C11orf21: variants seen among roughly 807,000 people sequenced by gnomAD.
The protein encoded by C11orf21 is uncharacterized protein C11orf21.
A neutral mutation model predicts 15.2 loss-of-function variants in C11orf21; 19 were observed. The observed-to-expected ratio is 1.25, with a 90% confidence interval of 0.87 to 1.84. The LOEUF is 1.84. Among genes scored for constraint, C11orf21 ranks in the 40% most tolerant of loss-of-function variants. The probability of loss-of-function intolerance (pLI) is 0.00; values close to 1 mark genes in which losing one functional copy is unlikely to be tolerated. For missense variants in C11orf21, 171 were observed against 174.4 expected (o/e 0.98, Z 0.11); for synonymous variants, 62 against 66.8 (o/e 0.93, Z 0.35).
intron 1 of C11orf21, chr11:2,300,981 G>T: frequency 1.7e-6 from 1 of 585,550 alleles, no homozygotes; most frequent in Non-Finnish European, 3.1e-6. Flanking sequence ...GTCTCCACAA[G>T]CCCCCACAGA....
rs1232933368 is a variant in C11orf21 at position 2,301,876 on chromosome 11, G to A, written c.-68C>T. On this transcript the variant is annotated 5_prime_UTR_variant, in exon 1 of 4. Transcript: ENST00000381153. ...AACGAGGCCATGTCTTCCTGGGAAG[G>A]GCCTCAGATGTCAGCAAATGCCCTG... The A allele has an allele frequency of 1.0e-5, 16 of 1,548,652 alleles. No individual in the cohort carries two copies. Among genetic ancestry groups the A allele is most frequent in the Non-Finnish European group, 1.4e-5 (16 of 1,146,660 alleles).
At chr11:2,302,918 G>T, upstream of C11orf21, 1 of 1,613,708 alleles carries the variant, frequency 6.2e-7, no homozygotes, top group Non-Finnish European at 8.5e-7. Context: ...TCCGCCGAGC[G>T]TCCCTGGAGA....
chr11:2,297,381 C>G lies in C11orf21; in HGVS notation c.*569G>C, dbSNP rs990455152. The G allele has an allele frequency of 6.6e-6, 1 of 152,324 alleles. No individual in the cohort carries two copies. Among genetic ancestry groups the G allele is most frequent in the African/African-American group, 2.4e-5 (1 of 41,460 alleles). The allele number at this position is 152,324 out of a possible 1,614,324, so 9.4% of individuals were successfully genotyped here. On this transcript the variant is annotated 3_prime_UTR_variant, in exon 4 of 4. Transcript: ENST00000381153. ...AGTCCACAGAGGTGTCTCATCCAGG[C>G]GGGTGAACACTCGTGTGTTGGGAGG...
chr11:2,301,161 G>T (rs1272319423), intron 1 of C11orf21: 1 of 266,510 alleles, frequency 3.8e-6, no homozygotes, highest in Non-Finnish European at 7.3e-6. Flanking sequence ...GCGGGCGGCA[G>T]CTGGGCCCTC....
intron 3 of C11orf21, 102 bp downstream of exon 3, chr11:2,299,326 G>T (rs1564949773): frequency 7.9e-7 from 1 of 1,266,300 alleles, no homozygotes; most frequent in Non-Finnish European, 1.1e-6. Flanking sequence ...CACTCGCTGT[G>T]ACGCAGGTGG....
At chr11:2,300,699 C>A in intron 1 of C11orf21, 86 bp from the exon 2 acceptor site, 1 of 1,550,136 alleles carries the variant, frequency 6.5e-7, no homozygotes, top group Non-Finnish European at 8.7e-7. Context: ...GAAGAGGTGT[C>A]CCAGAAGCGG....
upstream of C11orf21, chr11:2,302,358 C>T (rs2234289): frequency 2.7e-3 from 2,651 of 968,416 alleles, 50 homozygotes; most frequent in African/African-American, 0.04. Flanking sequence ...AGACATGTGT[C>T]CTGCCCTTGC....
rs1847623648 is a variant in C11orf21, at chr11:2,299,592, G to A, written c.263C>T (p.Ala88Val). 1.3e-6 allele frequency: 2 copies of A among 1,550,946 alleles called. No individual in the cohort carries two copies. The highest frequency in any genetic ancestry group is 8.7e-7 in the Non-Finnish European group (1 of 1,146,980). Reference protein sequence around the residue: ...PVDHPALHWLACCCCLSLPGQ... With the variant: ...PVDHPALHWLVCCCCLSLPGQ... ...AGGTAAACTGAGACAGCAGCAGCAG[G>A]CAAGCCAGTGCAGAGCTGGGTGATC... Residue 88 changes from alanine to valine, a missense_variant, in exon 3 of 4, where the codon GCC becomes GTC. By Grantham distance (64) the Ala-to-Val change is moderately conservative. Coordinates refer to ENST00000381153, the MANE Select transcript of C11orf21 (RefSeq NM_001329958.2).
At chr11:2,298,129 C>T (rs1341838374) in intron 3 of C11orf21, among the ~76,000 whole-genome samples, 1 of 152,194 alleles carries the variant, frequency 6.6e-6, no homozygotes, top group East Asian at 1.9e-4. Context: ...CCATAGCGAA[C>T]ACTGACACTG....
intron 3 of C11orf21, among the ~76,000 whole-genome samples, chr11:2,298,184 T>C (rs1209269687): frequency 6.6e-6 from 1 of 152,184 alleles, no homozygotes; most frequent in Admixed American, 6.5e-5. Context: ...CTCATGCTGC[T>C]CAAAGATCCT....
intron 2 of C11orf21, 136 bp downstream of exon 2, chr11:2,300,384 G>T: frequency 4.7e-6 from 3 of 642,326 alleles, no homozygotes; most frequent in Admixed American, 5.9e-5. Flanking sequence ...CTGCACAGTG[G>T]CTTCCCCTCA....
chr11:2,302,958 G>T, upstream of C11orf21: 1 of 1,612,894 alleles, frequency 6.2e-7, no homozygotes, highest in Non-Finnish European at 8.5e-7. Flanking sequence ...GCACCAATGG[G>T]GTAAGTGAGG....
At chr11:2,300,411 T>C (rs879787149) in intron 2 of C11orf21, 109 bp downstream of exon 2, 7 of 727,138 alleles carry the variant, frequency 9.6e-6, no homozygotes, top group Non-Finnish European at 1.6e-5. Context: ...CACTTCCTCT[T>C]GCAGAGGGAA....
chr11:2,299,845 C>T (rs544685054), intron 2 of C11orf21, 138 bp from the exon 3 acceptor site: 23 of 437,860 alleles, frequency 5.3e-5, no homozygotes, highest in Middle Eastern at 6.5e-4. Flanking sequence ...CACGCATCCA[C>T]GCCTGCACAC....
Position 2,297,353 on chromosome 11 carries a change from C to G in C11orf21, c.*597G>C, listed in dbSNP as rs912495790. On this transcript the variant is annotated 3_prime_UTR_variant, in exon 4 of 4. Transcript: ENST00000381153. Reference sequence around the variant, plus strand: ...TTGCCCAAATTCACTGCCTTCACTCCCAAGTCCACAGAGGTGTCTCATCCA... The same window carrying G: ...TTGCCCAAATTCACTGCCTTCACTCGCAAGTCCACAGAGGTGTCTCATCCA... 3.3e-5 allele frequency: 5 copies of G among 152,446 alleles called. No homozygotes were observed. The highest frequency in any genetic ancestry group is 7.3e-5 in the Non-Finnish European group (5 of 68,156). The allele number at this position is 152,446 out of a possible 1,614,324, so 9.4% of individuals were successfully genotyped here. A position where few individuals can be genotyped will look rare whatever the true frequency, so the allele number is the denominator to read the frequency against.
At chr11:2,303,023 C>A, upstream of C11orf21, 1 of 1,411,348 alleles carries the variant, frequency 7.1e-7, no homozygotes, top group East Asian at 2.3e-5. Context: ...CTGGCACGAG[C>A]CCAGCTGGAC....
chr11:2,302,804 C>T, upstream of C11orf21: 1 of 1,560,662 alleles, frequency 6.4e-7, no homozygotes. Flanking sequence ...GCTCCTGCAG[C>T]AGTCCCATGC....
rs377694959 is a variant in C11orf21 at position 2,301,768 on chromosome 11, G to A, written c.41C>T (p.Pro14Leu). Residue 14 changes from proline (P) to leucine (L), a missense_variant, in exon 1 of 4, where the codon CCG becomes CTG. Physicochemically the swap from Pro to Leu is moderately conservative, Grantham distance 98 (BLOSUM62 -3). Transcript: ENST00000381153. The part of the protein sequence containing the change: ...TWCGMWRRRR[P>L]GRRSAVPRWP... ...ACGGGGAGCTCACCTCCTCCTCCCC[G>A]GGCGCCGTCTCCTCCACATCCCACA... is the stretch of plus-strand genomic sequence containing the variant. 106 of 1,549,178 alleles carry A rather than the reference G, an allele frequency of 6.8e-5. No homozygotes were observed. The highest frequency in any genetic ancestry group is 1.2e-4 in the Admixed American group (6 of 50,940).
rs574201076 is a variant in C11orf21, at chr11:2,298,912, C to T, written c.*28+516G>A. Reference sequence around the variant, plus strand: ...TCCTTGGGGGGGGAAGCAGGGTGCCCCTCAGTGCCCACTGGAGTTGGCCAG... The same window carrying T: ...TCCTTGGGGGGGGAAGCAGGGTGCCTCTCAGTGCCCACTGGAGTTGGCCAG... On this transcript the variant is annotated intron_variant, in intron 3 of 3. Coordinates refer to ENST00000381153, the MANE Select transcript of C11orf21 (RefSeq NM_001329958.2). Among the ~76,000 whole-genome samples the T allele has an allele frequency of 7.9e-5, 12 of 152,264 alleles. No individual in the cohort carries two copies. The South Asian group carries it at 1.7e-3, about 21-fold the overall frequency.
Sources: allele counts gnomAD v4.1 joint callset (sites outside exome capture counted in the v4.1 genomes callset), GRCh38; gene constraint gnomAD v4.1.1; transcripts MANE v1.5; gene names NCBI Gene and HGNC (gene_info 2026-07-23, HGNC 2026-07-21).